Variants in PHF24 observed in about 807,000 individuals in gnomAD.
PHF24 encodes the protein Galpha inhibitory interacting protein.
A neutral mutation model predicts 42.6 loss-of-function variants in PHF24; 25 were observed. The observed-to-expected ratio is 0.59, with a 90% CI of 0.43 to 0.82. The LOEUF (loss-of-function observed/expected upper bound fraction) is 0.82. PHF24 is among the 40% of genes least tolerant of loss of function. PHF24 has a pLI of 0.00. For synonymous variants in PHF24, 185 were observed against 204.8 expected (o/e 0.90, Z 0.83); for missense variants, 470 against 538.1 (o/e 0.87, Z 1.25).
chr9:34,773,067 C>T, the PHF24 span, among the ~76,000 whole-genome samples: 2 of 151,720 alleles, frequency 1.3e-5, no homozygotes, highest in Admixed American at 6.6e-5. Context: ...CTCGGCTCAC[C>T]GCAACCTCCG....
the PHF24 span, among the ~76,000 whole-genome samples, chr9:34,731,205 T>C: frequency 6.6e-6 from 1 of 152,220 alleles, no homozygotes; most frequent in South Asian, 2.1e-4. Context: ...GATACAGGCA[T>C]ACAATGCATA....
the PHF24 span, chr9:34,724,914 T>G: frequency 3.2e-6 from 5 of 1,550,836 alleles, no homozygotes; most frequent in Non-Finnish European, 3.5e-6. Flanking sequence ...TGCCGTAAAG[T>G]TGTCTCCAGT....
At chr9:34,723,474 G>A in the PHF24 span, 3 of 1,551,686 alleles carry the variant, frequency 1.9e-6, no homozygotes. Flanking sequence ...CTCTTGGCTG[G>A]AGCCAGGCTC....
the PHF24 span, among the ~76,000 whole-genome samples, chr9:34,713,863 T>C: frequency 6.6e-6 from 1 of 152,168 alleles, no homozygotes; most frequent in Middle Eastern, 3.4e-3. Flanking sequence ...TTTTGAAGGA[T>C]GGCTTATGAC....
the PHF24 span, among the ~76,000 whole-genome samples, chr9:34,900,180 C>T: frequency 6.6e-6 from 1 of 152,146 alleles, no homozygotes; most frequent in South Asian, 2.1e-4. Flanking sequence ...GAAGCCTCAG[C>T]AAGGCCAGGG....
chr9:34,941,152 C>T, the PHF24 span, among the ~76,000 whole-genome samples: 2 of 152,124 alleles, frequency 1.3e-5, no homozygotes, highest in Non-Finnish European at 2.9e-5. Context: ...TATTCTTCCT[C>T]CTGGGGACCT....
At chr9:34,941,919 AG>A in the PHF24 span, among the ~76,000 whole-genome samples, 1 of 152,216 alleles carries the variant, frequency 6.6e-6, no homozygotes, top group Non-Finnish European at 1.5e-5. Context: ...GCACCCTTCC[AG>A]TATGAGAGAT....
chr9:34,721,830 T>A, the PHF24 span, among the ~76,000 whole-genome samples: 2 of 152,216 alleles, frequency 1.3e-5, no homozygotes, highest in East Asian at 3.8e-4. Context: ...CTCATCTTAA[T>A]TGGCTGACTG....
the PHF24 span, among the ~76,000 whole-genome samples, chr9:34,684,960 T>C: frequency 6.6e-5 from 10 of 152,076 alleles, no homozygotes; most frequent in African/African-American, 2.4e-4. Flanking sequence ...GATTCCCTCA[T>C]CTACCCTGAT....
the PHF24 span, among the ~76,000 whole-genome samples, chr9:34,810,600 G>T: frequency 6.6e-6 from 1 of 152,282 alleles, no homozygotes; most frequent in East Asian, 1.9e-4. Flanking sequence ...CTGTGCCCTA[G>T]AACTGTGGGA....
the PHF24 span, among the ~76,000 whole-genome samples, chr9:34,879,418 G>A: frequency 2.6e-5 from 4 of 152,170 alleles, no homozygotes; most frequent in Admixed American, 6.5e-5. Context: ...ACTTCTCCAA[G>A]CTAAAGGAAG....
At chr9:34,765,839 T>A in the PHF24 span, among the ~76,000 whole-genome samples, 4 of 151,708 alleles carry the variant, frequency 2.6e-5, no homozygotes, top group Non-Finnish European at 5.9e-5. Flanking sequence ...TGGCTGGTAC[T>A]GGTTGTTCCT....
the PHF24 span, among the ~76,000 whole-genome samples, chr9:34,688,491 C>T: frequency 6.6e-6 from 1 of 152,148 alleles, no homozygotes. Flanking sequence ...CTCAGTGTTG[C>T]CTTTGAGCCC....
At chr9:34,795,259 GAA>G in the PHF24 span, among the ~76,000 whole-genome samples, 201 of 144,320 alleles carry the variant, frequency 1.4e-3, no homozygotes, top group African/African-American at 4.9e-3. Flanking sequence ...GAGAGAGAGA[GAA>G]AAAAAAAACT....
the PHF24 span, chr9:34,709,434 G>A: frequency 2.5e-6 from 4 of 1,612,602 alleles, no homozygotes; most frequent in African/African-American, 1.3e-5. Context: ...AGTCCTGTGA[G>A]GGCAGAAGAG....
chr9:34,847,068 G>A, the PHF24 span, among the ~76,000 whole-genome samples: 1 of 152,186 alleles, frequency 6.6e-6, no homozygotes, highest in African/African-American at 2.4e-5. Flanking sequence ...GCTTAGGATT[G>A]ACTTGGTGAT....
the PHF24 span, among the ~76,000 whole-genome samples, chr9:34,873,456 T>C: frequency 1.9e-4 from 28 of 151,282 alleles, no homozygotes; most frequent in African/African-American, 6.5e-4. Flanking sequence ...ATCTATTAAA[T>C]AGGGAATCCT....
At chr9:34,760,278 T>C in the PHF24 span, among the ~76,000 whole-genome samples, 1 of 152,216 alleles carries the variant, frequency 6.6e-6, no homozygotes, top group African/African-American at 2.4e-5. Context: ...TGGCTACCAA[T>C]TCATACGTAC....
At chr9:34,937,332 T>C in the PHF24 span, among the ~76,000 whole-genome samples, 1 of 152,166 alleles carries the variant, frequency 6.6e-6, no homozygotes, top group Non-Finnish European at 1.5e-5. Flanking sequence ...TGGGATCCTG[T>C]TGATCTGTGA....
Sources: allele counts gnomAD v4.1 joint callset (sites outside exome capture counted in the v4.1 genomes callset), GRCh38; gene constraint gnomAD v4.1.1; transcripts MANE v1.5; gene names NCBI Gene and HGNC (gene_info 2026-07-23, HGNC 2026-07-21).